The following PLCB2 variants were observed in gnomAD, a reference collection of about 807,000 sequenced individuals.
PLCB2 encodes the protein phospholipase C beta 2.
A neutral mutation model predicts 141.7 loss-of-function variants in PLCB2; 115 were observed. The observed-to-expected ratio is 0.81, with a 90% CI of 0.70 to 0.95. The LOEUF (loss-of-function observed/expected upper bound fraction) is 0.95. Among genes scored for constraint, PLCB2 ranks in the 40% least tolerant of loss-of-function variants. PLCB2 has a pLI of 0.00. For synonymous variants in PLCB2, 603 were observed against 595.6 expected (o/e 1.01, Z -0.18); for missense variants, 1,403 against 1,541.1 (o/e 0.91, Z 1.50).
chr15:40,302,090 G>T (rs60309188), intron 6 of PLCB2, 46 bp downstream of exon 6: 9 of 1,613,270 alleles, frequency 5.6e-6, no homozygotes, highest in Non-Finnish European at 7.6e-6. Context: ...AGAAAGAAAG[G>T]CTTTGGGGAG....
chr15:40,290,153 G>A (rs549426304), intron 29 of PLCB2, 71 bp from the exon 30 acceptor site: 81 of 964,244 alleles, frequency 8.4e-5, no homozygotes, highest in Non-Finnish European at 1.3e-4. Context: ...TGAAGTCTAC[G>A]CAGGATGTAG....
chr15:40,287,815 T>A (rs1057368729), downstream of PLCB2: 35 of 511,196 alleles, frequency 6.8e-5, no homozygotes, highest in Admixed American at 4.5e-4. Context: ...TCCCAAGAGA[T>A]TTTTTTTTCC....
In PLCB2 at chr15:40,297,010, G is replaced by T; in HGVS notation, c.1324-102C>A. On this transcript the variant is annotated intron_variant, in intron 13 of 31. Transcript: ENST00000260402. This position sits in a 1 kb window ranked among gnomAD's most constrained non-coding sequence, Gnocchi z 4.2. ...TCCCTCGGCCTCCCCCACTCCTCTT[G>T]ACCTGCCTCTCACTACTGCTTATCA... The T allele has an allele frequency of 8.9e-7, 1 of 1,127,590 alleles. No homozygotes were observed. The highest frequency in any genetic ancestry group is 1.3e-6 in the Non-Finnish European group (1 of 761,134). The allele number at this position is 1,127,590 out of a possible 1,614,324, so 69.8% of individuals were successfully genotyped here.
intron 16 of PLCB2, among the ~76,000 whole-genome samples, chr15:40,295,531 A>C (rs1488644895): frequency 6.6e-6 from 1 of 152,190 alleles, no homozygotes; most frequent in Non-Finnish European, 1.5e-5. Flanking sequence ...GTGGAGAGTG[A>C]GACCCACATG....
At position 40,289,456 on chromosome 15, in the gene PLCB2, G is replaced by A. The variant is rs1258650086; in HGVS notation, c.3268-98C>T. The A allele has an allele frequency of 1.1e-5, 10 of 877,738 alleles. No homozygotes were observed. In the Admixed American group the frequency reaches 1.9e-4, roughly 17 times the overall value. The allele number at this position is 877,738 out of a possible 1,614,324, so 54.4% of individuals were successfully genotyped here. Reference sequence around the variant, plus strand: ...CCAGCTAACTAGTTGTAAGACTTTGGGCAAATTCCTTAACATTAGGTAGTT... The same window carrying A: ...CCAGCTAACTAGTTGTAAGACTTTGAGCAAATTCCTTAACATTAGGTAGTT... On this transcript the variant is annotated intron_variant, in intron 30 of 31. Coordinates refer to ENST00000260402, the MANE Select transcript of PLCB2 (RefSeq NM_004573.3).
chr15:40,296,623 C>T lies in PLCB2; in HGVS notation c.1498G>A (p.Glu500Lys), dbSNP rs755306923. The T allele has an allele frequency of 3.7e-6, 6 of 1,613,080 alleles. No individual in the cohort carries two copies. Among genetic ancestry groups the T allele is most frequent in the Admixed American group, 1.7e-5 (1 of 59,932 alleles). ...PAGEGTVWAG[E>K]EGTELEEEEV... Reference sequence around the variant, plus strand: ...TCCTCCTCCAGCTCAGTCCCTTCCTCGCCAGCCCACACTGCCACATACAGC... The same window carrying T: ...TCCTCCTCCAGCTCAGTCCCTTCCTTGCCAGCCCACACTGCCACATACAGC... Residue 500 changes from glutamate to lysine, a missense_variant, in exon 15 of 32, where the codon GAG becomes AAG. Transcript: ENST00000260402.
chr15:40,291,925 C>G lies in PLCB2; in HGVS notation c.2527-1G>C. ...CTGGACTCGCCAGTGGGAAGGGCTT[C>G]TGTGTAGGGAGAGCAGGTCAGGAAG... On this transcript the variant is annotated splice_acceptor_variant, in intron 23 of 31. Transcript: ENST00000260402. LOFTEE classifies it high-confidence loss of function. 6.2e-7 allele frequency: 1 copy of G among 1,614,118 alleles called. No individual in the cohort carries two copies. The highest frequency in any genetic ancestry group is 8.5e-7 in the Non-Finnish European group (1 of 1,179,986).
At chr15:40,291,567 A>G (rs1349238770) in intron 25 of PLCB2, 39 bp downstream of exon 25, 1 of 1,611,610 alleles carries the variant, frequency 6.2e-7, no homozygotes, top group Non-Finnish European at 8.5e-7. Flanking sequence ...GACCCGCCCC[A>G]GGCTCATCCC....
chr15:40,284,695 C>G (rs1353894009), downstream of PLCB2, among the ~76,000 whole-genome samples: 6 of 152,066 alleles, frequency 3.9e-5, 1 homozygote, highest in Non-Finnish European at 5.9e-5. Flanking sequence ...CAAAAATTAG[C>G]TGGGCGCGGT....
chr15:40,290,473 G>A, intron 29 of PLCB2, 104 bp downstream of exon 29: 2 of 855,066 alleles, frequency 2.3e-6, no homozygotes, highest in Admixed American at 1.9e-5. Context: ...AGAGCCAGGG[G>A]ACAGATGCAT....
Position 40,297,797 on chromosome 15 carries a change from G to C in PLCB2, c.1238+80C>G. The C allele has an allele frequency of 8.7e-7, 1 of 1,145,986 alleles. No homozygotes were observed. The highest frequency in any genetic ancestry group is 1.7e-5 in the Admixed American group (1 of 57,364). 71.0% of individuals were successfully genotyped at this position (1,145,986 alleles called of 1,614,324 possible). On this transcript the variant is annotated intron_variant, in intron 12 of 31. Coordinates refer to ENST00000260402, the MANE Select transcript of PLCB2 (RefSeq NM_004573.3). This position sits in a 1 kb window ranked among gnomAD's most constrained non-coding sequence, Gnocchi z 4.2. The stretch of plus-strand genomic sequence containing the variant: ...AGCTGTAGGCAATGGTTAGAGGCTG[G>C]GGCAGTTGTGGGGAGGACAGTTGCA...
At position 40,291,050 on chromosome 15, in the gene PLCB2, C is replaced by T. The variant is rs533090413; in HGVS notation, c.3004G>A (p.Val1002Ile). The T allele has an allele frequency of 1.2e-4, 186 of 1,593,742 alleles. 2 individuals are homozygous for T. In the South Asian group the frequency reaches 1.9e-3, roughly 16 times the overall value. Residue 1002 changes from valine (V) to isoleucine (I), a missense_variant, in exon 27 of 32, where the codon GTT becomes ATT. Physicochemically the swap from Val to Ile is conservative, Grantham distance 29. Transcript: ENST00000260402. ...ACGTGCTGCTCCTTGCGCTTCAGAA[C>T]GCACTCGTACTGCTCCTCGCCCTGC... ...LRQGEEQYEC[V>I]LKRKEQHVAE... is the part of the protein sequence containing the mutation.
rs1282476473 is a variant in PLCB2, at chr15:40,292,945, G to C, written c.2307C>G (p.Pro769=). ...CCTTACCAGAATTTAGGGCATTGAT[G>C]GGGATGATGCGGTGTCCAAGAAACT... The part of the protein sequence containing the change: ...GNKFLGHRII[P]INALNSGYHH... Residue 769 remains proline (P), a synonymous_variant, in exon 21 of 32, where the codon CCC becomes CCG. Coordinates refer to ENST00000260402, the MANE Select transcript of PLCB2 (RefSeq NM_004573.3). 3 of 1,605,214 alleles carry C rather than the reference G, an allele frequency of 1.9e-6. No individual in the cohort carries two copies. The highest frequency in any genetic ancestry group is 1.7e-6 in the Non-Finnish European group (2 of 1,174,676).
intron 27 of PLCB2, 54 bp downstream of exon 27, chr15:40,290,963 TG>T (rs2039865940): frequency 5.2e-6 from 4 of 767,400 alleles, no homozygotes; most frequent in East Asian, 9.0e-5. Flanking sequence ...ATGGGGTCCA[TG>T]GGGGGTGGGG....
At chr15:40,306,702 G>C (rs2040814146) in intron 1 of PLCB2, among the ~76,000 whole-genome samples, 1 of 152,128 alleles carries the variant, frequency 6.6e-6, no homozygotes, top group African/African-American at 2.4e-5. Context: ...CCTCCCATCA[G>C]GTGGACAAGT....
intron 20 of PLCB2, among the ~76,000 whole-genome samples, 193 bp downstream of exon 20, chr15:40,293,367 C>T (rs1454503642): frequency 6.6e-6 from 1 of 152,096 alleles, no homozygotes; most frequent in East Asian, 1.9e-4. Flanking sequence ...CTAATCTTCA[C>T]ACACACACAC....
chr15:40,284,541 A>G (rs910344620), downstream of PLCB2: 1 of 455,122 alleles, frequency 2.2e-6, no homozygotes, highest in Middle Eastern at 4.2e-4. Flanking sequence ...GCTGCAAAAG[A>G]AAGAAGGAAG....
intron 22 of PLCB2, 29 bp from the exon 23 acceptor site, chr15:40,292,187 T>G (rs1490101625): frequency 3.8e-6 from 6 of 1,592,814 alleles, no homozygotes; most frequent in African/African-American, 1.3e-5. Context: ...CATTACAACA[T>G]AGTGTATATG....
chr15:40,284,703 G>A (rs998436453), downstream of PLCB2, among the ~76,000 whole-genome samples: 5 of 152,020 alleles, frequency 3.3e-5, no homozygotes, highest in African/African-American at 9.7e-5. Flanking sequence ...AGCTGGGCGC[G>A]GTGGCACGCG....
Sources: gnomAD v4.1 joint callset for allele counts (sites outside exome capture counted in the v4.1 genomes callset) on GRCh38, gnomAD v4.1.1 for gene constraint, Gnocchi (gnomAD v3.1) non-coding constraint, MANE v1.5 for transcripts, NCBI Gene and HGNC (gene_info 2026-07-23, HGNC 2026-07-21) for gene names.